Variants in PHACTR1 observed in about 807,000 individuals in gnomAD.
PHACTR1 encodes RPEL repeat containing 1.
A neutral mutation model predicts 69.2 loss-of-function variants in PHACTR1; 16 were observed. The observed-to-expected ratio is 0.23, with a 90% confidence interval of 0.16 to 0.35. PHACTR1 has a LOEUF of 0.35. PHACTR1 is among the 10% of genes least tolerant of loss of function. The pLI, the probability that PHACTR1 is intolerant of heterozygous loss-of-function variation, is 1.00. For synonymous variants in PHACTR1, 312 were observed against 284.5 expected, an observed-to-expected ratio of 1.10 and a Z score of -0.97; for missense variants, 510 against 734.7, an observed-to-expected ratio of 0.69 and a Z score of 3.54.
At chr6:12,845,120 G>A (rs1779073695) in intron 4 of PHACTR1, among the ~76,000 whole-genome samples, 1 of 152,104 alleles carries the variant, frequency 6.6e-6, no homozygotes, top group Admixed American at 6.6e-5. Context: ...TCTGAGCGTT[G>A]GATCGACGTT....
Position 13,052,191 on chromosome 6 carries a change from CT to C in PHACTR1, c.251-1173del, listed in dbSNP as rs374138082. Among the ~76,000 whole-genome samples the C allele has an allele frequency of 7.3e-4, 111 of 152,324 alleles. 1 individual carries two copies. The South Asian group carries it at 0.017, about 23-fold the overall frequency. ...TCAGTCCTGCTGTGGGGAGCTCTTA[CT>C]AGCTTATCACATCTGTCACCAATAC... On this transcript the variant is annotated intron_variant, in intron 4 of 14. Coordinates refer to ENST00000332995, the MANE Select transcript of PHACTR1 (RefSeq NM_030948.6).
chr6:12,884,347 A>C lies in PHACTR1; in HGVS notation c.250+134557A>C, dbSNP rs1582277330. The stretch of plus-strand genomic sequence containing the variant: ...AACTTTGGTTGAAGGGATCATATAC[A>C]CACAGAGATGGGCATCATGGTTCAG... On this transcript the variant is annotated intron_variant, in intron 4 of 14. Coordinates refer to ENST00000332995, the MANE Select transcript of PHACTR1 (RefSeq NM_030948.6). Among the ~76,000 whole-genome samples, 5 of 151,976 alleles carry C rather than the reference A, an allele frequency of 3.3e-5. No individual in the cohort carries two copies. The South Asian group carries it at 8.3e-4, about 25-fold the overall frequency.
At chr6:12,957,569 G>A (rs540361392) in intron 4 of PHACTR1, 3 of 985,490 alleles carry the variant, frequency 3.0e-6, no homozygotes, top group African/African-American at 1.7e-5. Flanking sequence ...GTGCCCCACC[G>A]GCTGGAGGCT....
intron 7 of PHACTR1, among the ~76,000 whole-genome samples, chr6:13,190,428 C>T (rs1763417093): frequency 6.6e-6 from 1 of 152,026 alleles, no homozygotes; most frequent in African/African-American, 2.4e-5. Context: ...ACTCCAAATA[C>T]AGTCACATTG....
intron 5 of PHACTR1, among the ~76,000 whole-genome samples, chr6:13,076,193 C>T (rs931438187): frequency 5.9e-5 from 9 of 152,126 alleles, no homozygotes; most frequent in Non-Finnish European, 1.3e-4. Context: ...CAGTCACCCA[C>T]ACTGAGCACA....
chr6:13,156,319 C>A (rs1561913111), intron 5 of PHACTR1, among the ~76,000 whole-genome samples: 2 of 152,350 alleles, frequency 1.3e-5, no homozygotes, highest in East Asian at 3.9e-4. Flanking sequence ...TAAGCCATCT[C>A]TTTCCAGCAT....
rs9472757 is a variant in PHACTR1 at position 12,864,870 on chromosome 6, T to C, written c.250+115080T>C. On this transcript the variant is annotated intron_variant, in intron 4 of 14. Transcript: ENST00000332995. The stretch of plus-strand genomic sequence containing the variant: ...TTCAGTAGCTTAAAGGATTTCATGG[T>C]TGACTTATACAGCCCGGCATTTATA... Among the ~76,000 whole-genome samples, 1,050 of 152,326 alleles carry C rather than the reference T, an allele frequency of 6.9e-3. 15 individuals carry two copies. The highest frequency in any genetic ancestry group is 0.023 in the African/African-American group (965 of 41,574).
intron 4 of PHACTR1, among the ~76,000 whole-genome samples, chr6:12,784,946 T>C (rs1475300249): frequency 6.6e-6 from 1 of 151,856 alleles, no homozygotes; most frequent in Non-Finnish European, 1.5e-5. Flanking sequence ...CAACCTCAGA[T>C]GATCCGCCCA....
rs150902619 is a variant in PHACTR1 at position 12,930,629 on chromosome 6, A to G, written c.251-122736A>G. On this transcript the variant is annotated intron_variant, in intron 4 of 14. Transcript: ENST00000332995. Reference sequence around the variant, plus strand: ...ACTCTAACTGGTTGGAAGGGCTGGAAATAAACATCAACTCAAGGCCAGTTG... The same window carrying G: ...ACTCTAACTGGTTGGAAGGGCTGGAGATAAACATCAACTCAAGGCCAGTTG... 2.6e-5 allele frequency among the ~76,000 whole-genome samples: 4 copies of G among 152,302 alleles called. No homozygotes were observed. In the East Asian group the frequency reaches 7.7e-4, roughly 29 times the overall value.
In PHACTR1 at chr6:13,203,536, G is replaced by A. The variant is rs562402185; in HGVS notation, c.665-2279G>A. Among the ~76,000 whole-genome samples the A allele has an allele frequency of 7.2e-5, 11 of 152,264 alleles. No homozygotes were observed. The South Asian group carries it at 1.9e-3, about 26-fold the overall frequency. ...TCATTCCTGCTATCATCATTAACAC[G>A]ATTAACACGGACATAATATGCATCC... On this transcript the variant is annotated intron_variant, in intron 7 of 14. Transcript: ENST00000332995.
chr6:12,845,450 C>T (rs1296522374), intron 4 of PHACTR1, among the ~76,000 whole-genome samples: 4 of 127,690 alleles, frequency 3.1e-5, no homozygotes, highest in Admixed American at 7.9e-5. Flanking sequence ...CCCCGCCCTC[C>T]GTGCTGGGCA....
In PHACTR1 at chr6:13,126,248, A is replaced by T. The variant is rs73723392; in HGVS notation, c.416-33956A>T. ...GTACTGCATTTACATTTAAGTAACA[A>T]TAAACATCAGTGTATCTGGTACCTA... On this transcript the variant is annotated intron_variant, in intron 5 of 14. Coordinates refer to ENST00000332995, the MANE Select transcript of PHACTR1 (RefSeq NM_030948.6). 1.3e-3 allele frequency among the ~76,000 whole-genome samples: 193 copies of T among 152,330 alleles called. 2 individuals carry two copies. The highest frequency in any genetic ancestry group is 4.0e-3 in the African/African-American group (168 of 41,578).
intron 8 of PHACTR1, among the ~76,000 whole-genome samples, chr6:13,222,477 C>A (rs887319462): frequency 4.6e-5 from 7 of 152,190 alleles, no homozygotes; most frequent in African/African-American, 1.7e-4. Context: ...TGTTGCAGCC[C>A]CCAGAATGCC....
intron 5 of PHACTR1, among the ~76,000 whole-genome samples, chr6:13,116,515 A>G (rs116020878): frequency 0.013 from 1,947 of 152,332 alleles, 31 homozygotes; most frequent in African/African-American, 0.044. Flanking sequence ...TTTAGAAGAC[A>G]TAACAGTGTT....
At chr6:12,741,765 C>CT (rs1765077834) in intron 3 of PHACTR1, among the ~76,000 whole-genome samples, 1 of 64,882 alleles carries the variant, frequency 1.5e-5, no homozygotes, top group African/African-American at 5.1e-5. Context: ...GCTTGTCAAA[C>CT]TCCAAAAAAA....
intron 7 of PHACTR1, among the ~76,000 whole-genome samples, chr6:13,195,757 CAAAAAAAAAAA>C (rs869092852): frequency 7.2e-5 from 3 of 41,512 alleles, no homozygotes; most frequent in Non-Finnish European, 1.1e-4. Context: ...GACACCGTCT[CAAAAAAAAAAA>C]AAAAAAAAAA....
chr6:13,259,199 C>T lies in PHACTR1; in HGVS notation c.1392-13661C>T, dbSNP rs146604087. Among the ~76,000 whole-genome samples, 8 of 152,318 alleles carry T rather than the reference C, an allele frequency of 5.3e-5. No individual in the cohort carries two copies. In the East Asian group the frequency reaches 1.3e-3, roughly 26 times the overall value. ...TTAACTACCTTAATTTCTGTTATAACAACTCAGATACTCTTTCAAAGTGGA... is the reference window on the plus strand; with the variant it reads ...TTAACTACCTTAATTTCTGTTATAATAACTCAGATACTCTTTCAAAGTGGA... On this transcript the variant is annotated intron_variant, in intron 10 of 14. Coordinates refer to ENST00000332995, the MANE Select transcript of PHACTR1 (RefSeq NM_030948.6).
chr6:12,962,459 G>A lies in PHACTR1; in HGVS notation c.251-90906G>A, dbSNP rs112311411. ...TAAAAATGCATTCTTCTTGTTTTAGGAATTGATCAGATCCATTAGGGAACA... is the reference window on the plus strand; with the variant it reads ...TAAAAATGCATTCTTCTTGTTTTAGAAATTGATCAGATCCATTAGGGAACA... On this transcript the variant is annotated intron_variant, in intron 4 of 14. Coordinates refer to ENST00000332995, the MANE Select transcript of PHACTR1 (RefSeq NM_030948.6). Among the ~76,000 whole-genome samples, 491 of 152,268 alleles carry A rather than the reference G, an allele frequency of 3.2e-3. 2 individuals are homozygous for A. Among genetic ancestry groups the A allele is most frequent in the African/African-American group, 0.011 (462 of 41,550 alleles).
At chr6:12,848,572 A>G (rs1287271167) in intron 4 of PHACTR1, among the ~76,000 whole-genome samples, 1 of 152,218 alleles carries the variant, frequency 6.6e-6, no homozygotes, top group African/African-American at 2.4e-5. Flanking sequence ...TCTCAAGACA[A>G]TTGGTTTGCA....
Sources: allele counts gnomAD v4.1 joint callset (sites outside exome capture counted in the v4.1 genomes callset), GRCh38; gene constraint gnomAD v4.1.1; transcripts MANE v1.5; gene names NCBI Gene and HGNC (gene_info 2026-07-23, HGNC 2026-07-21).